Variants in SDK1 observed in about 807,000 individuals in gnomAD.
SDK1 encodes sidekick cell adhesion molecule 1, also known as protein sidekick-1.
Under a neutral mutation model 245.5 loss-of-function variants are expected in SDK1, and 157 were observed. The ratio of observed to expected loss-of-function variants is 0.64; its 90% CI spans 0.56 to 0.73. The LOEUF is 0.73. Among genes scored for constraint, SDK1 ranks in the 30% least tolerant of loss-of-function variants. SDK1 has a pLI of 0.00. For missense variants in SDK1, 3,583 were observed against 3,002.3 expected, an observed-to-expected ratio of 1.19 and a Z score of -4.52; for synonymous variants, 1,647 against 1,278.5, an observed-to-expected ratio of 1.29 and a Z score of -6.15.
chr7:4,158,650 G>T, intron 31 of SDK1, 99 bp downstream of exon 31: 1 of 790,344 alleles, frequency 1.3e-6, no homozygotes, highest in Non-Finnish European at 2.1e-6. Context: ...GGGGCCACCA[G>T]GGAGTGGTGG....
At position 4,175,784 on chromosome 7, in the gene SDK1, G is replaced by C; in HGVS notation, c.4946G>C (p.Ser1649Thr). 6.2e-7 allele frequency: 1 copy of C among 1,613,994 alleles called. No homozygotes were observed. The highest frequency in any genetic ancestry group is 8.5e-7 in the Non-Finnish European group (1 of 1,180,006). Residue 1649 changes from serine to threonine, a missense_variant, in exon 34 of 45, where the codon AGC (serine) becomes ACC (threonine). Coordinates refer to ENST00000404826, the MANE Select transcript of SDK1 (RefSeq NM_152744.4). ...TTGCTTACCCCAATAGCCCAAAGCA[G>C]CTTCAAGACGGTGAACAGCAGCTCC... ...ALHAELTAQS[S>T]FKTVNSSSTS...
intron 20 of SDK1, among the ~76,000 whole-genome samples, chr7:4,076,083 G>T (rs756803260): frequency 1.3e-5 from 2 of 152,208 alleles, no homozygotes; most frequent in Non-Finnish European, 2.9e-5. Flanking sequence ...ATATGAAAAG[G>T]GGAGAGAGAG....
intron 1 of SDK1, among the ~76,000 whole-genome samples, chr7:3,420,236 C>T (rs1392245717): frequency 1.3e-5 from 2 of 152,096 alleles, no homozygotes; most frequent in Non-Finnish European, 2.9e-5. Context: ...TGGAACTTTC[C>T]CATTTATTTT....
intron 5 of SDK1, among the ~76,000 whole-genome samples, chr7:3,867,702 A>T (rs1290053991): frequency 6.6e-6 from 1 of 152,226 alleles, no homozygotes; most frequent in African/African-American, 2.4e-5. Context: ...TGGGAATTCA[A>T]GATGAGATTT....
chr7:4,046,333 T>TC lies in SDK1; in HGVS notation c.2603-3014dup, dbSNP rs1282849256. Among the ~76,000 whole-genome samples, 4 of 152,306 alleles carry TC rather than the reference T, an allele frequency of 2.6e-5. No individual in the cohort carries two copies. The East Asian group carries it at 7.7e-4, about 29-fold the overall frequency. On this transcript the variant is annotated intron_variant, in intron 17 of 44. Transcript: ENST00000404826. The stretch of plus-strand genomic sequence containing the variant: ...TGTCTTTTCATGAAGTCAGCTTTAT[T>TC]CATTTTTTTTCTTTTATGGATTATG...
intron 4 of SDK1, among the ~76,000 whole-genome samples, chr7:3,753,999 T>G (rs1309277561): frequency 6.6e-6 from 1 of 152,236 alleles, no homozygotes; most frequent in Non-Finnish European, 1.5e-5. Flanking sequence ...TCTAGGCAGG[T>G]CCTCTTGGCT....
At position 3,498,998 on chromosome 7, in the gene SDK1, A is replaced by G. The variant is rs186485869; in HGVS notation, c.299-120082A>G. On this transcript the variant is annotated intron_variant, in intron 1 of 44. Transcript: ENST00000404826. Reference sequence around the variant, plus strand: ...GGTTGATTGGTAAGAATTTGCAGAAATCTAAAGTTTAATTAAAATTTTGTT... The same window carrying G: ...GGTTGATTGGTAAGAATTTGCAGAAGTCTAAAGTTTAATTAAAATTTTGTT... Among the ~76,000 whole-genome samples the G allele has an allele frequency of 2.2e-3, 335 of 152,312 alleles. 2 individuals carry two copies. Among genetic ancestry groups the G allele is most frequent in the Non-Finnish European group, 3.6e-3 (247 of 68,028 alleles).
intron 1 of SDK1, among the ~76,000 whole-genome samples, chr7:3,473,551 T>C (rs544894251): frequency 6.6e-6 from 1 of 152,206 alleles, no homozygotes; most frequent in Admixed American, 6.5e-5. Context: ...ACTCTTGCAG[T>C]ATGTGGGACG....
chr7:3,749,235 C>A (rs1323241565), intron 4 of SDK1, among the ~76,000 whole-genome samples: 3 of 152,152 alleles, frequency 2.0e-5, no homozygotes, highest in Non-Finnish European at 4.4e-5. Flanking sequence ...CTCCTGGTTT[C>A]AAGCAATTCT....
intron 22 of SDK1, among the ~76,000 whole-genome samples, chr7:4,084,117 C>T (rs1011702505): frequency 2.0e-5 from 3 of 152,186 alleles, no homozygotes; most frequent in African/African-American, 4.8e-5. Context: ...TAAAAAGAAG[C>T]ATCTCTGCTC....
chr7:3,896,751 T>C lies in SDK1; in HGVS notation c.848-54172T>C, dbSNP rs1013881. 7.7e-3 allele frequency among the ~76,000 whole-genome samples: 1,170 copies of C among 152,336 alleles called. 15 individuals carry two copies. The highest frequency in any genetic ancestry group is 0.026 in the African/African-American group (1,095 of 41,580). ...TTTCAAGCTGTTTAAGGTGGGGGAATAAATCTGATTCCTGTTACTGTATCA... is the reference window on the plus strand; with the variant it reads ...TTTCAAGCTGTTTAAGGTGGGGGAACAAATCTGATTCCTGTTACTGTATCA... On this transcript the variant is annotated intron_variant, in intron 5 of 44. Transcript: ENST00000404826.
rs1178746788 is a variant in SDK1, at chr7:3,527,445, T to C, written c.299-91635T>C. ...CAGAGACCTGATTGATATGATGCCA[T>C]GAAGGGCAGTTTAGGGAAGGGAGCA... On this transcript the variant is annotated intron_variant, in intron 1 of 44. Coordinates refer to ENST00000404826, the MANE Select transcript of SDK1 (RefSeq NM_152744.4). Among the ~76,000 whole-genome samples, 5 of 152,254 alleles carry C rather than the reference T, an allele frequency of 3.3e-5. No individual in the cohort carries two copies. The South Asian group carries it at 1.0e-3, about 32-fold the overall frequency.
intron 4 of SDK1, among the ~76,000 whole-genome samples, chr7:3,780,170 C>G (rs939416536): frequency 1.3e-5 from 2 of 152,194 alleles, no homozygotes; most frequent in Admixed American, 1.3e-4. Flanking sequence ...AGAATGGTCT[C>G]ACTCTGACCA....
rs560096016 is a variant in SDK1 at position 3,641,552 on chromosome 7, C to T, written c.566-406C>T. On this transcript the variant is annotated intron_variant, in intron 3 of 44. Coordinates refer to ENST00000404826, the MANE Select transcript of SDK1 (RefSeq NM_152744.4). ...AGCTGAAGAGAGCAAGGGCCGGTGC[C>T]GGGCTGGAACGAGTTTGAAAGATTT... 7.3e-4 allele frequency among the ~76,000 whole-genome samples: 111 copies of T among 152,248 alleles called. 1 individual carries two copies. The highest frequency in any genetic ancestry group is 1.3e-3 in the Non-Finnish European group (90 of 68,016).
intron 1 of SDK1, among the ~76,000 whole-genome samples, chr7:3,517,388 C>G (rs1782787564): frequency 6.6e-6 from 1 of 151,968 alleles, no homozygotes; most frequent in African/African-American, 2.4e-5. Flanking sequence ...TGAGCTATAC[C>G]TTTGTAAATT....
chr7:4,022,614 G>A (rs1030189607), intron 17 of SDK1, among the ~76,000 whole-genome samples: 3 of 152,112 alleles, frequency 2.0e-5, no homozygotes, highest in Non-Finnish European at 2.9e-5. Context: ...GCTGCAGGGG[G>A]AGGTAGCAGC....
At chr7:3,905,554 C>G (rs903749452) in intron 5 of SDK1, among the ~76,000 whole-genome samples, 3 of 152,068 alleles carry the variant, frequency 2.0e-5, no homozygotes, top group Admixed American at 6.5e-5. Context: ...TACAGTTTCA[C>G]TAGGTAGTTA....
intron 35 of SDK1, among the ~76,000 whole-genome samples, chr7:4,184,164 T>C (rs1238181989): frequency 6.6e-6 from 1 of 152,112 alleles, no homozygotes; most frequent in Non-Finnish European, 1.5e-5. Flanking sequence ...GAAGAGGAAA[T>C]TAAATTGGGC....
intron 5 of SDK1, among the ~76,000 whole-genome samples, chr7:3,878,573 G>A (rs1034934496): frequency 3.9e-5 from 6 of 152,080 alleles, no homozygotes; most frequent in African/African-American, 7.2e-5. Flanking sequence ...AACCACAAAC[G>A]AAGTTCTCTT....
Sources: gnomAD v4.1 joint callset for allele counts (sites outside exome capture counted in the v4.1 genomes callset) on GRCh38, gnomAD v4.1.1 for gene constraint, MANE v1.5 for transcripts, NCBI Gene and HGNC (gene_info 2026-07-23, HGNC 2026-07-21) for gene names.